Variants in ADK observed in about 807,000 individuals in gnomAD.
The protein encoded by ADK is N6,N6-dimethyladenosine kinase.
In ADK, 24 loss-of-function variants were observed where a neutral mutation model predicts 44.7. The observed-to-expected ratio is 0.54, with a 90% CI of 0.39 to 0.76. The LOEUF is 0.76. Among genes scored for constraint, ADK ranks in the 30% least tolerant of loss-of-function variants. The pLI is 0.00. For missense variants in ADK, 321 were observed against 425.1 expected (o/e 0.76, Z 2.15); for synonymous variants, 128 against 142.6 (o/e 0.90, Z 0.73).
At chr10:74,481,858 A>G (rs1388454046) in intron 6 of ADK, among the ~76,000 whole-genome samples, 3 of 152,226 alleles carry the variant, frequency 2.0e-5, no homozygotes, top group Non-Finnish European at 2.9e-5. Flanking sequence ...TATGATGCAC[A>G]TATGCCAGTT....
intron 3 of ADK, among the ~76,000 whole-genome samples, chr10:74,309,021 T>C (rs1183870804): frequency 2.0e-5 from 3 of 152,282 alleles, no homozygotes; most frequent in Middle Eastern, 3.4e-3. Context: ...TATATCTTAT[T>C]TATAAGTACT....
chr10:74,573,452 C>T (rs544470409), intron 7 of ADK, among the ~76,000 whole-genome samples: 5 of 152,294 alleles, frequency 3.3e-5, no homozygotes, highest in East Asian at 1.9e-4. Context: ...CAGGGGTCAG[C>T]GGTCAGGGAC....
intron 9 of ADK, among the ~76,000 whole-genome samples, chr10:74,608,394 G>A (rs1852417032): frequency 6.6e-6 from 1 of 151,998 alleles, no homozygotes; most frequent in Admixed American, 6.6e-5. Context: ...CTTTGATGCT[G>A]GTGACCTTCG....
rs551889815 is a variant in ADK at position 74,454,566 on chromosome 10, T to C, written c.555+55987T>C. ...AAGCAGTTAACTTCTGAATCTCTCT[T>C]TATGTGCAAAATGGTATAGGAGAGG... is the stretch of plus-strand genomic sequence containing the variant. On this transcript the variant is annotated intron_variant, in intron 6 of 10. Coordinates refer to ENST00000539909, the MANE Select transcript of ADK (RefSeq NM_006721.4). Among the ~76,000 whole-genome samples the C allele has an allele frequency of 2.0e-5, 3 of 152,260 alleles. No individual in the cohort carries two copies. The East Asian group carries it at 5.8e-4, about 29-fold the overall frequency.
At chr10:74,216,096 TA>T (rs1159266531) in intron 2 of ADK, among the ~76,000 whole-genome samples, 2 of 152,218 alleles carry the variant, frequency 1.3e-5, no homozygotes, top group Non-Finnish European at 2.9e-5. Context: ...GCATTTCTGT[TA>T]TACTTTTCAC....
At chr10:74,157,883 C>T (rs1841797086) in intron 1 of ADK, among the ~76,000 whole-genome samples, 1 of 152,130 alleles carries the variant, frequency 6.6e-6, no homozygotes, top group Non-Finnish European at 1.5e-5. Flanking sequence ...CAGCGCAACT[C>T]CATAAATTGA....
intron 6 of ADK, among the ~76,000 whole-genome samples, chr10:74,518,178 T>C (rs1408094500): frequency 6.6e-6 from 1 of 152,212 alleles, no homozygotes; most frequent in Non-Finnish European, 1.5e-5. Context: ...CTCTGACTAG[T>C]GTTACTATGG....
chr10:74,258,696 A>G (rs1357598054), intron 3 of ADK, among the ~76,000 whole-genome samples: 1 of 152,184 alleles, frequency 6.6e-6, no homozygotes. Context: ...TTCTGATAAA[A>G]ATCAAAGATT....
chr10:74,354,169 A>G (rs915544665), intron 4 of ADK, among the ~76,000 whole-genome samples: 1 of 152,212 alleles, frequency 6.6e-6, no homozygotes, highest in Non-Finnish European at 1.5e-5. Context: ...TAAGAATAGG[A>G]GAAGGTGAAC....
intron 6 of ADK, among the ~76,000 whole-genome samples, chr10:74,443,617 T>C (rs1322929955): frequency 6.6e-6 from 1 of 152,162 alleles, no homozygotes; most frequent in Non-Finnish European, 1.5e-5. Flanking sequence ...TAAAATTGAC[T>C]GTGGTGATGG....
intron 6 of ADK, among the ~76,000 whole-genome samples, chr10:74,410,866 G>A (rs1431566981): frequency 6.6e-6 from 1 of 152,048 alleles, no homozygotes; most frequent in Non-Finnish European, 1.5e-5. Context: ...ATTAAATAAT[G>A]TCACAGCTCT....
At chr10:74,553,770 G>A (rs777563412) in intron 7 of ADK, among the ~76,000 whole-genome samples, 10 of 152,072 alleles carry the variant, frequency 6.6e-5, no homozygotes, top group Non-Finnish European at 1.3e-4. Flanking sequence ...TCTATGTCTT[G>A]TTTTGGATAA....
At chr10:74,443,193 G>A (rs984454300) in intron 6 of ADK, among the ~76,000 whole-genome samples, 1 of 152,090 alleles carries the variant, frequency 6.6e-6, no homozygotes, top group South Asian at 2.1e-4. Flanking sequence ...AGATAAATTT[G>A]TAAGTTCATG....
At chr10:74,227,884 C>G (rs1294742849) in intron 3 of ADK, among the ~76,000 whole-genome samples, 1 of 151,946 alleles carries the variant, frequency 6.6e-6, no homozygotes, top group East Asian at 1.9e-4. Flanking sequence ...GTGGTGTGTG[C>G]CTGCAGTCCC....
At chr10:74,563,848 C>T (rs1390532234) in intron 7 of ADK, among the ~76,000 whole-genome samples, 5 of 152,138 alleles carry the variant, frequency 3.3e-5, no homozygotes, top group Non-Finnish European at 7.4e-5. Flanking sequence ...TTTCCCCAAA[C>T]ATCTCTCTGG....
chr10:74,387,579 C>G (rs1843187314), intron 4 of ADK, among the ~76,000 whole-genome samples: 1 of 152,122 alleles, frequency 6.6e-6, no homozygotes, highest in Admixed American at 6.5e-5. Context: ...GAAGATCATA[C>G]CCATCCTTCA....
intron 6 of ADK, among the ~76,000 whole-genome samples, chr10:74,511,245 T>C (rs1848310648): frequency 6.6e-6 from 1 of 152,238 alleles, no homozygotes; most frequent in Admixed American, 6.5e-5. Context: ...GCTGGTACCA[T>C]GCTGTTTGTG....
intron 6 of ADK, among the ~76,000 whole-genome samples, chr10:74,423,098 C>T (rs1365049533): frequency 3.5e-4 from 53 of 152,216 alleles, no homozygotes; most frequent in South Asian, 2.1e-4. Context: ...ACGCCGTCCT[C>T]ATATACAAGG....
chr10:74,468,741 A>G (rs916802246), intron 6 of ADK, among the ~76,000 whole-genome samples: 1 of 152,220 alleles, frequency 6.6e-6, no homozygotes, highest in Non-Finnish European at 1.5e-5. Context: ...TCATACACAC[A>G]AAGATAGAAT....
Sources: gnomAD v4.1 joint callset for allele counts (sites outside exome capture counted in the v4.1 genomes callset) on GRCh38, gnomAD v4.1.1 for gene constraint, MANE v1.5 for transcripts, NCBI Gene and HGNC (gene_info 2026-07-23, HGNC 2026-07-21) for gene names.